MTCL3: variants seen among roughly 807,000 people sequenced by gnomAD.
MTCL3 encodes the protein MTCL family member 3.
At chr6:127,484,009 A>G in the MTCL3 span, among the ~76,000 whole-genome samples, 1 of 152,222 alleles carries the variant, frequency 6.6e-6, no homozygotes, top group African/African-American at 2.4e-5. Context: ...CATCACCACC[A>G]TAAAAATAGT....
At chr6:127,516,222 G>T in the MTCL3 span, 1 of 1,435,188 alleles carries the variant, frequency 7.0e-7, no homozygotes, top group Non-Finnish European at 9.1e-7. Context: ...AAGCGGCCAG[G>T]GTCGCGGCGG....
At chr6:127,485,264 A>G in the MTCL3 span, among the ~76,000 whole-genome samples, 177 of 152,178 alleles carry the variant, frequency 1.2e-3, 1 homozygote, top group African/African-American at 4.0e-3. Flanking sequence ...TAGTTAGCCA[A>G]TGGAAGATGA....
At chr6:127,488,482 T>G in the MTCL3 span, among the ~76,000 whole-genome samples, 224 of 152,308 alleles carry the variant, frequency 1.5e-3, no homozygotes, top group Non-Finnish European at 2.9e-3. Context: ...CTTAGAAATA[T>G]ACCTGACACA....
chr6:127,475,560 G>A, the MTCL3 span: 335 of 1,610,156 alleles, frequency 2.1e-4, 1 homozygote, highest in African/African-American at 5.5e-4. The surrounding 1 kb of genome is among the most constrained non-coding windows in gnomAD (Gnocchi z 7.3). Context: ...CCAGGCGCTC[G>A]GCCTCCGAGC....
chr6:127,516,531 G>T, the MTCL3 span: 7 of 1,598,552 alleles, frequency 4.4e-6, no homozygotes, highest in Non-Finnish European at 5.9e-6. Flanking sequence ...TGCCCTCCGG[G>T]TGCAGACGAG....
chr6:127,489,221 A>G, the MTCL3 span, among the ~76,000 whole-genome samples: 4 of 152,262 alleles, frequency 2.6e-5, no homozygotes, highest in East Asian at 7.7e-4. Context: ...GGGCACGATT[A>G]ACTTCACTGA....
At chr6:127,486,468 G>A in the MTCL3 span, among the ~76,000 whole-genome samples, 58 of 152,232 alleles carry the variant, frequency 3.8e-4, no homozygotes, top group African/African-American at 1.2e-3. Context: ...TTTCCTGTGA[G>A]GATGAAACTG....
the MTCL3 span, among the ~76,000 whole-genome samples, chr6:127,494,442 C>A: frequency 6.6e-6 from 1 of 152,110 alleles, no homozygotes; most frequent in South Asian, 2.1e-4. Flanking sequence ...ATAGCACTGA[C>A]AAAAAACTGT....
At chr6:127,490,418 G>C in the MTCL3 span, among the ~76,000 whole-genome samples, 1 of 152,058 alleles carries the variant, frequency 6.6e-6, no homozygotes, top group African/African-American at 2.4e-5. Context: ...TTTTAAAAAT[G>C]TACTTTATAA....
chr6:127,499,977 A>G, the MTCL3 span, among the ~76,000 whole-genome samples: 1 of 151,916 alleles, frequency 6.6e-6, no homozygotes, highest in African/African-American at 2.4e-5. Context: ...GGCCTCTATA[A>G]TACTATTTCC....
chr6:127,473,196 T>G, the MTCL3 span: 1 of 1,347,412 alleles, frequency 7.4e-7, no homozygotes, highest in Non-Finnish European at 9.6e-7. Flanking sequence ...ACTACAGAAA[T>G]TATACTTCTT....
chr6:127,480,399 T>G, the MTCL3 span, among the ~76,000 whole-genome samples: 1 of 152,222 alleles, frequency 6.6e-6, no homozygotes, highest in African/African-American at 2.4e-5. Context: ...ATCATTTCTC[T>G]GTAAATAAAG....
the MTCL3 span, among the ~76,000 whole-genome samples, chr6:127,503,934 ATTAC>A: frequency 6.6e-6 from 1 of 152,084 alleles, no homozygotes; most frequent in East Asian, 1.9e-4. Context: ...TCTTTTTGAA[ATTAC>A]TTATTGTTTA....
chr6:127,516,614 T>C, the MTCL3 span: 1 of 1,596,076 alleles, frequency 6.3e-7, no homozygotes, highest in Non-Finnish European at 8.5e-7. Flanking sequence ...GGCTGACTCA[T>C]GGCTATGAAC....
the MTCL3 span, chr6:127,516,291 C>G: frequency 3.9e-6 from 6 of 1,546,552 alleles, no homozygotes; most frequent in Admixed American, 5.8e-5. Flanking sequence ...CTTTGGGCGC[C>G]AGGGGCGTCG....
At chr6:127,486,005 AG>A in the MTCL3 span, among the ~76,000 whole-genome samples, 1 of 152,200 alleles carries the variant, frequency 6.6e-6, no homozygotes, top group Non-Finnish European at 1.5e-5. Flanking sequence ...ACTCCTGAAA[AG>A]AAGTGATGGA....
At chr6:127,512,744 A>G in the MTCL3 span, 5 of 665,208 alleles carry the variant, frequency 7.5e-6, no homozygotes, top group Admixed American at 1.3e-4. Flanking sequence ...TATTAGTATG[A>G]AATCATGTAT....
At chr6:127,475,143 G>A in the MTCL3 span, 7 of 713,942 alleles carry the variant, frequency 9.8e-6, no homozygotes, top group South Asian at 1.0e-4. This position sits in a 1 kb window ranked among gnomAD's most constrained non-coding sequence, Gnocchi z 7.3. Context: ...CTGGTGGGCC[G>A]AGGCCGGGGG....
the MTCL3 span, among the ~76,000 whole-genome samples, chr6:127,485,360 G>A: frequency 6.6e-6 from 1 of 152,128 alleles, no homozygotes; most frequent in African/African-American, 2.4e-5. Context: ...TACAGAGTGA[G>A]AGGAGAGGAG....
Sources: gnomAD v4.1 joint callset for allele counts (sites outside exome capture counted in the v4.1 genomes callset) on GRCh38, gnomAD v4.1.1 for gene constraint, Gnocchi (gnomAD v3.1) non-coding constraint, MANE v1.5 for transcripts, NCBI Gene and HGNC (gene_info 2026-07-23, HGNC 2026-07-21) for gene names.